Variants in NUBPL observed in about 807,000 individuals in gnomAD.
NUBPL encodes the protein NUBP iron-sulfur cluster assembly factor, mitochondrial, also known as iron-sulfur cluster transfer protein NUBPL.
NUBPL carries 31 observed loss-of-function variants against 45.7 expected under a neutral mutation model. That is an observed-to-expected ratio of 0.68 (90% CI 0.51 to 0.92). NUBPL has a LOEUF of 0.92. Ranked by LOEUF, NUBPL falls within the 40% of genes least tolerant of loss-of-function variation. The pLI, the probability that NUBPL is intolerant of heterozygous loss-of-function variation, is 0.00. For missense variants in NUBPL, 401 were observed against 398.7 expected, an observed-to-expected ratio of 1.01 and a Z score of -0.05; for synonymous variants, 144 against 140.9, an observed-to-expected ratio of 1.02 and a Z score of -0.15.
chr14:31,565,558 T>C (rs1251088084), intron 3 of NUBPL, among the ~76,000 whole-genome samples: 1 of 152,164 alleles, frequency 6.6e-6, no homozygotes, highest in African/African-American at 2.4e-5. Context: ...AATGTACATG[T>C]ATGTGTGTGT....
chr14:31,677,623 C>A (rs2036730852), intron 6 of NUBPL, among the ~76,000 whole-genome samples: 1 of 152,174 alleles, frequency 6.6e-6, no homozygotes, highest in Non-Finnish European at 1.5e-5. Context: ...CATTCAGAGG[C>A]TCTTGTTCTC....
intron 6 of NUBPL, among the ~76,000 whole-genome samples, chr14:31,760,138 T>TGAGAGAGAGA (rs2038768460): frequency 3.1e-5 from 1 of 32,632 alleles, no homozygotes; most frequent in Non-Finnish European, 6.1e-5. Context: ...TGTGTGTGTG[T>TGAGAGAGAGA]GTGTGTGAGA....
At chr14:31,583,216 G>A (rs1339540651) in intron 3 of NUBPL, among the ~76,000 whole-genome samples, 5 of 152,160 alleles carry the variant, frequency 3.3e-5, no homozygotes, top group African/African-American at 1.2e-4. Flanking sequence ...TGGCAGAGAG[G>A]GTATTGCTGA....
At chr14:31,764,708 T>A (rs10134196) in intron 6 of NUBPL, among the ~76,000 whole-genome samples, 12,911 of 152,216 alleles carry the variant, frequency 0.085, 643 homozygotes, top group African/African-American at 0.14. Flanking sequence ...AGCTGCTCAC[T>A]TAATGGTCTT....
Position 31,696,815 on chromosome 14 carries a change from CTG to C in NUBPL, c.513+23243_513+23244del, listed in dbSNP as rs1341934304. Among the ~76,000 whole-genome samples, 8 of 152,278 alleles carry C rather than the reference CTG, an allele frequency of 5.3e-5. No homozygotes were observed. In the East Asian group the frequency reaches 1.5e-3, roughly 29 times the overall value. On this transcript the variant is annotated intron_variant, in intron 6 of 10. Transcript: ENST00000281081. Reference sequence around the variant, plus strand: ...ACATAGAATTGGGGGTATAATTTGACTGTTTAAATACAAACATAAAAGTTTAA... The same window carrying C: ...ACATAGAATTGGGGGTATAATTTGACTTTAAATACAAACATAAAAGTTTAA...
intron 4 of NUBPL, among the ~76,000 whole-genome samples, chr14:31,654,752 T>G (rs115109025): frequency 0.012 from 1,848 of 152,270 alleles, 29 homozygotes; most frequent in African/African-American, 0.035. Context: ...TTTGTCACAT[T>G]GATTGACTCT....
rs200894385 is a variant in NUBPL at position 31,681,475 on chromosome 14, G to T, written c.513+7901G>T. On this transcript the variant is annotated intron_variant, in intron 6 of 10. Transcript: ENST00000281081. The stretch of plus-strand genomic sequence containing the variant: ...TGCCAGATGTTTATAAACTTTACTG[G>T]TTTTTTTTTTCAAAAAAACCGACTT... Among the ~76,000 whole-genome samples, 1,112 of 145,402 alleles carry T rather than the reference G, an allele frequency of 7.6e-3. 10 individuals carry two copies. Among genetic ancestry groups the T allele is most frequent in the African/African-American group, 0.022 (874 of 39,238 alleles).
intron 2 of NUBPL, among the ~76,000 whole-genome samples, chr14:31,563,273 G>A (rs2033348174): frequency 6.6e-6 from 1 of 152,308 alleles, no homozygotes; most frequent in Admixed American, 6.5e-5. Context: ...GTGTTTTCAT[G>A]ATTGTAGCCA....
intron 6 of NUBPL, among the ~76,000 whole-genome samples, chr14:31,708,833 C>T (rs2037509103): frequency 6.6e-6 from 1 of 152,218 alleles, no homozygotes; most frequent in South Asian, 2.1e-4. Context: ...CCTTTGTTCT[C>T]TGGGGCAGTG....
chr14:31,695,345 C>T (rs1365985595), intron 6 of NUBPL, among the ~76,000 whole-genome samples: 5 of 140,202 alleles, frequency 3.6e-5, no homozygotes, highest in African/African-American at 5.3e-5. Context: ...TGTAGTGTTC[C>T]TTTTTTTTTT....
intron 7 of NUBPL, among the ~76,000 whole-genome samples, chr14:31,793,829 T>TTTTA (rs1241428453): frequency 0.016 from 16 of 988 alleles, no homozygotes; most frequent in Non-Finnish European, 0.16. Context: ...CTTATCTTTC[T>TTTTA]TTTTTTTTTT....
At chr14:31,785,666 A>G (rs2039271396) in intron 6 of NUBPL, among the ~76,000 whole-genome samples, 1 of 152,110 alleles carries the variant, frequency 6.6e-6, no homozygotes, top group Non-Finnish European at 1.5e-5. Flanking sequence ...CTATCTGTCT[A>G]TCTATCTTTC....
intron 4 of NUBPL, among the ~76,000 whole-genome samples, chr14:31,611,682 T>G (rs1009619511): frequency 6.6e-6 from 1 of 152,202 alleles, no homozygotes; most frequent in Admixed American, 6.5e-5. Flanking sequence ...GCTACAGAGC[T>G]GTAGTAACCA....
intron 10 of NUBPL, among the ~76,000 whole-genome samples, chr14:31,851,512 GT>G (rs1430919602): frequency 8.5e-5 from 13 of 152,278 alleles, no homozygotes; most frequent in African/African-American, 3.1e-4. Flanking sequence ...ATAGGTGATT[GT>G]TTTGCTGGCG....
In NUBPL at chr14:31,799,114, T is replaced by C. The variant is rs376237043; in HGVS notation, c.607+11241T>C. Among the ~76,000 whole-genome samples, 10 of 152,340 alleles carry C rather than the reference T, an allele frequency of 6.6e-5. No individual in the cohort carries two copies. In the South Asian group the frequency reaches 1.9e-3, roughly 28 times the overall value. ...GTTGAGAATAAAATCAGATGTTTTATACTTGGGAAGAGACAATCTTTTGGA... is the reference window on the plus strand; with the variant it reads ...GTTGAGAATAAAATCAGATGTTTTACACTTGGGAAGAGACAATCTTTTGGA... On this transcript the variant is annotated intron_variant, in intron 7 of 10. Transcript: ENST00000281081.
At chr14:31,857,955 C>T (rs571321569) in intron 10 of NUBPL, among the ~76,000 whole-genome samples, 37 of 152,306 alleles carry the variant, frequency 2.4e-4, no homozygotes, top group Non-Finnish European at 4.4e-4. Context: ...ACGCCACACT[C>T]TACTGGTACC....
At chr14:31,857,487 G>A (rs907897395) in intron 10 of NUBPL, among the ~76,000 whole-genome samples, 1 of 152,166 alleles carries the variant, frequency 6.6e-6, no homozygotes, top group Admixed American at 6.5e-5. Flanking sequence ...TTTCTCCTCA[G>A]GAAATGGGAT....
chr14:31,844,273 G>C (rs2138986721), intron 8 of NUBPL: 1 of 152,116 alleles, frequency 6.6e-6, no homozygotes, highest in South Asian at 2.1e-4. Context: ...CTTTCTTTAG[G>C]TGTTTTTCCT....
intron 6 of NUBPL, among the ~76,000 whole-genome samples, chr14:31,702,829 C>A (rs2037368490): frequency 1.3e-5 from 2 of 152,188 alleles, no homozygotes; most frequent in South Asian, 4.1e-4. Flanking sequence ...AAATTTTCAT[C>A]TTTATGCTGT....
Sources: allele counts gnomAD v4.1 joint callset (sites outside exome capture counted in the v4.1 genomes callset), GRCh38; gene constraint gnomAD v4.1.1; transcripts MANE v1.5; gene names NCBI Gene and HGNC (gene_info 2026-07-23, HGNC 2026-07-21).